SLC12A7: variants seen among roughly 807,000 people sequenced by gnomAD.
SLC12A7 encodes solute carrier family 12 member 7.
In SLC12A7, 100 loss-of-function variants were observed where a neutral mutation model predicts 120.6. The observed-to-expected ratio is 0.83, with a 90% CI of 0.71 to 0.98. The LOEUF (loss-of-function observed/expected upper bound fraction) is 0.98. Among genes scored for constraint, SLC12A7 ranks in the 50% least tolerant of loss-of-function variants. The pLI is 0.00. For synonymous variants in SLC12A7, 760 were observed against 678.0 expected, an observed-to-expected ratio of 1.12 and a Z score of -1.88; for missense variants, 1,373 against 1,548.1, an observed-to-expected ratio of 0.89 and a Z score of 1.90.
At chr5:1,109,677 C>T in intron 1 of SLC12A7, among the ~76,000 whole-genome samples, 1 of 152,308 alleles carries the variant, frequency 6.6e-6, no homozygotes, top group Non-Finnish European at 1.5e-5. Flanking sequence ...TTCCCCAGAA[C>T]CCCCCAACCC....
chr5:1,125,856 C>T, the SLC12A7 span, among the ~76,000 whole-genome samples: 1 of 140,162 alleles, frequency 7.1e-6, no homozygotes, highest in East Asian at 2.2e-4. Flanking sequence ...ACCTGGGAGG[C>T]GGAAGTTGCA....
chr5:1,065,131 AG>A, intron 18 of SLC12A7, 151 bp downstream of exon 18: 1 of 646,592 alleles, frequency 1.5e-6, no homozygotes, highest in Non-Finnish European at 2.5e-6. Context: ...GGGGATGCAG[AG>A]GGGACACCAA....
At chr5:1,057,817 G>T (rs758166400) in intron 21 of SLC12A7, among the ~76,000 whole-genome samples, 168 bp from the exon 22 acceptor site, 1 of 152,076 alleles carries the variant, frequency 6.6e-6, no homozygotes, top group African/African-American at 2.4e-5. Context: ...CGCCGCCCCC[G>T]TGACTGCCTC....
At chr5:1,077,531 C>T (rs1193654721) in intron 12 of SLC12A7, among the ~76,000 whole-genome samples, 1 of 152,196 alleles carries the variant, frequency 6.6e-6, no homozygotes, top group Non-Finnish European at 1.5e-5. Context: ...AGGCAGAGGG[C>T]TTCTGACCAG....
chr5:1,112,159 C>T (rs996863624), upstream of SLC12A7: 194 of 789,058 alleles, frequency 2.5e-4, 2 homozygotes, highest in East Asian at 7.2e-3. Context: ...AGTTGGCCCG[C>T]GGCGACTTCC....
intron 1 of SLC12A7, among the ~76,000 whole-genome samples, chr5:1,109,251 A>G (rs1475274548): frequency 1.3e-5 from 2 of 151,956 alleles, no homozygotes; most frequent in African/African-American, 4.8e-5. Flanking sequence ...ACGCACCCCT[A>G]CAACCTGGGA....
intron 1 of SLC12A7, among the ~76,000 whole-genome samples, chr5:1,102,385 C>A (rs1742105069): frequency 6.6e-6 from 1 of 152,238 alleles, no homozygotes; most frequent in South Asian, 2.1e-4. Context: ...TATCTCCAGG[C>A]ACAACCTCCT....
chr5:1,133,517 A>G, the SLC12A7 span, among the ~76,000 whole-genome samples: 1 of 152,152 alleles, frequency 6.6e-6, no homozygotes, highest in Non-Finnish European at 1.5e-5. Flanking sequence ...AAGGCAAGAG[A>G]TGCGAGGGGG....
chr5:1,060,125 C>G (rs76676867), intron 21 of SLC12A7, among the ~76,000 whole-genome samples: 1 of 152,222 alleles, frequency 6.6e-6, no homozygotes, highest in Non-Finnish European at 1.5e-5. Context: ...GGCACCCGCA[C>G]GCCCAGGCTC....
At chr5:1,089,309 C>T (rs545025285) in intron 3 of SLC12A7, among the ~76,000 whole-genome samples, 181 bp from the exon 4 acceptor site, 6 of 152,180 alleles carry the variant, frequency 3.9e-5, no homozygotes, top group South Asian at 2.1e-4. Flanking sequence ...CTGACCATCC[C>T]GGAATGAGGG....
At chr5:1,151,820 C>T in the SLC12A7 span, among the ~76,000 whole-genome samples, 25 of 152,286 alleles carry the variant, frequency 1.6e-4, no homozygotes, top group South Asian at 2.1e-4. The surrounding 1 kb of genome is among the most constrained non-coding windows in gnomAD (Gnocchi z 6.2). Flanking sequence ...CTCCTGCACA[C>T]GGCTCTCCTT....
intron 12 of SLC12A7, among the ~76,000 whole-genome samples, chr5:1,077,132 C>G (rs1375130265): frequency 2.6e-5 from 4 of 151,590 alleles, no homozygotes; most frequent in Non-Finnish European, 5.9e-5. Flanking sequence ...TCCCCAGACC[C>G]TGTGGTGACC....
chr5:1,143,364 T>C, the SLC12A7 span, among the ~76,000 whole-genome samples: 1 of 152,210 alleles, frequency 6.6e-6, no homozygotes, highest in Non-Finnish European at 1.5e-5. Flanking sequence ...ACCAAGGGGC[T>C]GCTGGGCGGT....
chr5:1,132,182 C>T, the SLC12A7 span, among the ~76,000 whole-genome samples: 1 of 152,200 alleles, frequency 6.6e-6, no homozygotes, highest in African/African-American at 2.4e-5. Context: ...CACGCTAATT[C>T]GAATGCATTA....
At chr5:1,139,232 C>T in the SLC12A7 span, among the ~76,000 whole-genome samples, 6 of 152,262 alleles carry the variant, frequency 3.9e-5, no homozygotes, top group Non-Finnish European at 7.3e-5. Flanking sequence ...TTGGCCTCCA[C>T]GGCAGCCGGC....
chr5:1,085,885 C>T (rs1253230215), intron 6 of SLC12A7, among the ~76,000 whole-genome samples: 1 of 152,242 alleles, frequency 6.6e-6, no homozygotes, highest in Non-Finnish European at 1.5e-5. Flanking sequence ...CCAGAGAGCT[C>T]GGCCCACCCC....
At chr5:1,144,524 C>G in the SLC12A7 span, among the ~76,000 whole-genome samples, 14 of 152,342 alleles carry the variant, frequency 9.2e-5, no homozygotes, top group African/African-American at 2.9e-4. Context: ...GAGCCCTCAG[C>G]TCCGGGTCAC....
chr5:1,130,984 A>G, the SLC12A7 span, among the ~76,000 whole-genome samples: 15 of 152,094 alleles, frequency 9.9e-5, no homozygotes, highest in South Asian at 2.5e-3. Context: ...CTGGGGGCCC[A>G]CCTAGGAGAT....
rs193140114 is a variant in SLC12A7, at chr5:1,069,348, C to T, written c.2242-3870G>A. On this transcript the variant is annotated intron_variant, in intron 17 of 23. Coordinates refer to ENST00000264930, the MANE Select transcript of SLC12A7 (RefSeq NM_006598.3). ...GGTTCCCACCCCTAGGCTGACCGGCCCAGACCTGGACGGGCCTCAGTGCGG... is the reference window on the plus strand; with the variant it reads ...GGTTCCCACCCCTAGGCTGACCGGCTCAGACCTGGACGGGCCTCAGTGCGG... Among the ~76,000 whole-genome samples, 1,170 of 152,332 alleles carry T rather than the reference C, an allele frequency of 7.7e-3. 17 individuals carry two copies. Among genetic ancestry groups the T allele is most frequent in the African/African-American group, 0.026 (1,094 of 41,576 alleles).
Sources: allele counts gnomAD v4.1 joint callset (sites outside exome capture counted in the v4.1 genomes callset), GRCh38; gene constraint gnomAD v4.1.1; non-coding constraint Gnocchi (gnomAD v3.1); transcripts MANE v1.5; gene names NCBI Gene and HGNC (gene_info 2026-07-23, HGNC 2026-07-21).